TXNRD1: variants seen among roughly 807,000 people sequenced by gnomAD.
The protein encoded by TXNRD1 is thioredoxin reductase 1, cytoplasmic.
In TXNRD1, 57 loss-of-function variants were observed where a neutral mutation model predicts 80.3. The observed-to-expected ratio is 0.71, with a 90% CI of 0.57 to 0.89. The LOEUF is 0.89. Among genes scored for constraint, TXNRD1 ranks in the 40% least tolerant of loss-of-function variants. The probability of loss-of-function intolerance (pLI) is 0.00; values close to 1 mark genes in which losing one functional copy is unlikely to be tolerated. For synonymous variants in TXNRD1, 291 were observed against 285.2 expected, an observed-to-expected ratio of 1.02 and a Z score of -0.20; for missense variants, 730 against 803.0, an observed-to-expected ratio of 0.91 and a Z score of 1.10.
chr12:104,333,517 C>T (rs1258726675), intron 14 of TXNRD1, among the ~76,000 whole-genome samples: 1 of 151,994 alleles, frequency 6.6e-6, no homozygotes, highest in Non-Finnish European at 1.5e-5. Context: ...AATTTTGTAA[C>T]CCATGTTTAT....
At position 104,277,308 on chromosome 12, in the gene TXNRD1, G is replaced by C. The variant is rs531576558; in HGVS notation, c.305-11623G>C. 3.8e-4 allele frequency among the ~76,000 whole-genome samples: 58 copies of C among 151,252 alleles called. No individual in the cohort carries two copies. The South Asian group carries it at 5.0e-3, about 13-fold the overall frequency. On this transcript the variant is annotated intron_variant, in intron 3 of 16. Transcript: ENST00000525566. ...CCAGCTACTAGGGAGGCTGAGGCAGGAGAATGACATGAACCCGGGAGGCGG... is the reference window on the plus strand; with the variant it reads ...CCAGCTACTAGGGAGGCTGAGGCAGCAGAATGACATGAACCCGGGAGGCGG...
chr12:104,254,960 C>T (rs1273893488), intron 2 of TXNRD1, among the ~76,000 whole-genome samples: 2 of 151,786 alleles, frequency 1.3e-5, no homozygotes, highest in Non-Finnish European at 2.9e-5. Context: ...CAAAAATTAG[C>T]CAGGCATGGT....
intron 4 of TXNRD1, among the ~76,000 whole-genome samples, chr12:104,299,544 G>A (rs1478453402): frequency 3.3e-5 from 5 of 151,956 alleles, no homozygotes; most frequent in African/African-American, 4.8e-5. Flanking sequence ...TGAGGCGGGC[G>A]GATCACGAGG....
At chr12:104,249,795 C>T (rs534549029) in intron 1 of TXNRD1, among the ~76,000 whole-genome samples, 34 of 151,798 alleles carry the variant, frequency 2.2e-4, no homozygotes, top group African/African-American at 7.3e-4. Flanking sequence ...ATTAGCCGGG[C>T]GTGGTGGCAG....
At chr12:104,217,484 A>AT (rs2032244007) in intron 1 of TXNRD1, among the ~76,000 whole-genome samples, 1 of 151,600 alleles carries the variant, frequency 6.6e-6, no homozygotes, top group African/African-American at 2.4e-5. Context: ...CTAATTTTGT[A>AT]TTTTTAATAG....
At chr12:104,236,703 C>A (rs1021070442) in intron 1 of TXNRD1, among the ~76,000 whole-genome samples, 2 of 149,334 alleles carry the variant, frequency 1.3e-5, no homozygotes. Flanking sequence ...GCTGGAGAAT[C>A]GCTTGAACCC....
chr12:104,258,037 T>A lies in TXNRD1; in HGVS notation c.262T>A (p.Ser88Thr). The A allele has an allele frequency of 6.4e-7, 1 of 1,551,704 alleles. No individual in the cohort carries two copies. The highest frequency in any genetic ancestry group is 1.7e-4 in the Middle Eastern group (1 of 5,984). The change falls in exon 3 of 17, where the codon TCT (serine) becomes ACT (threonine). Residue 88 changes from serine (S) to threonine (T), a missense_variant. Ser to Thr is a moderately conservative substitution (Grantham distance 58). Transcript: ENST00000525566. ...CTTCCAGGTAAAGAAGTTATTTAAA[T>A]CTCTGTGTGTTCCTTATTTTGTGCT... ...RCTEVKKLFK[S>T]LCVPYFVLEL...
rs575012520 is a variant in TXNRD1, at chr12:104,252,851, C to T, written c.243+1173C>T. ...CTGAGTAGCTGGGACTACAGGTGCC[C>T]GCCACCACACCCCGCTAATTTTTTG... is the stretch of plus-strand genomic sequence containing the variant. On this transcript the variant is annotated intron_variant, in intron 2 of 16. Coordinates refer to ENST00000525566, the MANE Select transcript of TXNRD1 (RefSeq NM_001093771.3). Among the ~76,000 whole-genome samples the T allele has an allele frequency of 3.3e-5, 5 of 150,310 alleles. No individual in the cohort carries two copies. In the South Asian group the frequency reaches 6.3e-4, roughly 19 times the overall value.
At chr12:104,326,484 A>ATT in intron 12 of TXNRD1, 61 bp downstream of exon 12, 1 of 406,286 alleles carries the variant, frequency 2.5e-6, no homozygotes, top group Non-Finnish European at 3.6e-6. Context: ...TTTTTTTTTG[A>ATT]GATGGAGTTT....
chr12:104,319,369 G>T (rs186491084), intron 8 of TXNRD1, 101 bp from the exon 9 acceptor site: 49 of 762,646 alleles, frequency 6.4e-5, no homozygotes, highest in Admixed American at 3.3e-4. Context: ...TCATTATGAG[G>T]ATGAAATGAG....
chr12:104,278,523 A>G (rs1306485471), intron 3 of TXNRD1, among the ~76,000 whole-genome samples: 1 of 103,484 alleles, frequency 9.7e-6, no homozygotes. Context: ...TTTTTTTGAG[A>G]TGGAGTCTCA....
At position 104,216,387 on chromosome 12, in the gene TXNRD1, C is replaced by T. The variant is rs142838224; in HGVS notation, c.91+494C>T. Among the ~76,000 whole-genome samples the T allele has an allele frequency of 1.2e-4, 19 of 152,364 alleles. No homozygotes were observed. In the East Asian group the frequency reaches 3.5e-3, roughly 28 times the overall value. ...TCCATCGAGAATCTTGTCCGACACG[C>T]CTTCCCGGCCCCCTTTCTCCATCCC... On this transcript the variant is annotated intron_variant, in intron 1 of 16. Transcript: ENST00000525566.
At chr12:104,273,689 G>C (rs1046952760) in intron 3 of TXNRD1, among the ~76,000 whole-genome samples, 1 of 152,212 alleles carries the variant, frequency 6.6e-6, no homozygotes, top group Non-Finnish European at 1.5e-5. Context: ...GTACCGCCCC[G>C]ACCTGCGCGT....
Position 104,298,297 on chromosome 12 carries a change from T to G in TXNRD1, c.414+9257T>G, listed in dbSNP as rs1771838447. ...GTACAGAGAATTACCCTTCAAAGTGTTACTGTACACACTTTGAATAGTTGA... is the reference window on the plus strand; with the variant it reads ...GTACAGAGAATTACCCTTCAAAGTGGTACTGTACACACTTTGAATAGTTGA... On this transcript the variant is annotated intron_variant, in intron 4 of 16. Transcript: ENST00000525566. Among the ~76,000 whole-genome samples, 4 of 152,350 alleles carry G rather than the reference T, an allele frequency of 2.6e-5. No homozygotes were observed. The South Asian group carries it at 8.3e-4, about 32-fold the overall frequency.
intron 1 of TXNRD1, among the ~76,000 whole-genome samples, chr12:104,232,760 A>T (rs139461652): frequency 7.9e-5 from 12 of 152,320 alleles, no homozygotes; most frequent in African/African-American, 2.9e-4. Context: ...CAAAGGAAAT[A>T]GCGCTCGAAT....
At chr12:104,325,272 G>C (rs2035716172) in intron 10 of TXNRD1, 65 bp from the exon 11 acceptor site, 2 of 1,267,354 alleles carry the variant, frequency 1.6e-6, no homozygotes, top group Non-Finnish European at 2.3e-6. Flanking sequence ...AGATGGAAGG[G>C]GAAGGTAGAG....
intron 9 of TXNRD1, among the ~76,000 whole-genome samples, chr12:104,320,310 A>G (rs533311825): frequency 7.9e-5 from 12 of 152,296 alleles, no homozygotes; most frequent in African/African-American, 2.9e-4. Context: ...TTTTTGGTAT[A>G]TGCTTTTATC....
Position 104,350,304 on chromosome 12 carries a change from T to G in TXNRD1, c.*1883T>G, listed in dbSNP as rs34575055. The stretch of plus-strand genomic sequence containing the variant: ...ATAATATCCACGTGTGCCTTCTTAC[T>G]GAATGATGGTCTTGGGAGTCTTTGC... On this transcript the variant is annotated 3_prime_UTR_variant, in exon 17 of 17. Coordinates refer to ENST00000525566, the MANE Select transcript of TXNRD1 (RefSeq NM_001093771.3). 23 of 152,378 alleles carry G rather than the reference T, an allele frequency of 1.5e-4. No homozygotes were observed. Among genetic ancestry groups the G allele is most frequent in the African/African-American group, 5.3e-4 (22 of 41,600 alleles). The allele number at this position is 152,378 out of a possible 1,614,324, so 9.4% of individuals were successfully genotyped here.
chr12:104,266,459 G>A (rs1293272162), intron 3 of TXNRD1, among the ~76,000 whole-genome samples: 1 of 151,004 alleles, frequency 6.6e-6, no homozygotes, highest in Non-Finnish European at 1.5e-5. Flanking sequence ...CCGGGAGGTG[G>A]AGGTTGCAGT....
Sources: gnomAD v4.1 joint callset for allele counts (sites outside exome capture counted in the v4.1 genomes callset) on GRCh38, gnomAD v4.1.1 for gene constraint, MANE v1.5 for transcripts, NCBI Gene and HGNC (gene_info 2026-07-23, HGNC 2026-07-21) for gene names.